The following C6orf62 variants were observed in gnomAD, a reference collection of about 807,000 sequenced individuals.
C6orf62 encodes the protein chromosome 6 open reading frame 62, also known as uncharacterized protein C6orf62.
In C6orf62, 16 loss-of-function variants were observed where a neutral mutation model predicts 26.8. The ratio of observed to expected loss-of-function variants is 0.60; its 90% CI spans 0.40 to 0.91. The LOEUF (loss-of-function observed/expected upper bound fraction) is 0.91, where lower values mean the gene tolerates loss of function less well. Among genes scored for constraint, C6orf62 ranks in the 40% least tolerant of loss-of-function variants. The pLI, the probability that C6orf62 is intolerant of heterozygous loss-of-function variation, is 0.00. For synonymous variants in C6orf62, 112 were observed against 91.5 expected (o/e 1.22, Z -1.28); for missense variants, 192 against 271.4 (o/e 0.71, Z 2.06).
In C6orf62 at chr6:24,718,573, G is replaced by T; in HGVS notation, c.96C>A (p.Phe32Leu). The change falls in exon 1 of 5, where the codon TTC (phenylalanine) becomes TTA (leucine). Residue 32 changes from phenylalanine to leucine, a missense_variant. By Grantham distance (22) the Phe-to-Leu change is conservative (BLOSUM62 0). Coordinates refer to ENST00000378119, the MANE Select transcript of C6orf62 (RefSeq NM_030939.5). ...KKESLADQFD[F>L]KMYIAFVFKE... ...TGAATACAAAGGCAATATACATCTT[G>T]AAGTCAAACTGGTCAGCTAGAGATT... is the stretch of plus-strand genomic sequence containing the variant. The T allele has an allele frequency of 6.2e-7, 1 of 1,613,320 alleles. No individual in the cohort carries two copies. The highest frequency in any genetic ancestry group is 8.5e-7 in the Non-Finnish European group (1 of 1,179,366).
intron 3 of C6orf62, among the ~76,000 whole-genome samples, chr6:24,713,392 C>T (rs1032281696): frequency 6.6e-6 from 1 of 152,078 alleles, no homozygotes; most frequent in Admixed American, 6.6e-5. Flanking sequence ...AGCAACATTA[C>T]CATGGGGCGG....
At chr6:24,714,951 T>C (rs536655418) in intron 2 of C6orf62, among the ~76,000 whole-genome samples, 1 of 152,274 alleles carries the variant, frequency 6.6e-6, no homozygotes, top group South Asian at 2.1e-4. Context: ...GAGAGTCACA[T>C]ACACTCAGTC....
chr6:24,715,090 A>G (rs1248122783), intron 2 of C6orf62, among the ~76,000 whole-genome samples: 2 of 152,244 alleles, frequency 1.3e-5, no homozygotes, highest in African/African-American at 4.8e-5. Flanking sequence ...CTATTTAAAA[A>G]GATGTCTTAG....
rs1065364 is a variant in C6orf62 at position 24,710,172 on chromosome 6, T to G, written c.430-1261A>C. 34 of 980,994 alleles carry G rather than the reference T, an allele frequency of 3.5e-5. No homozygotes were observed. In the African/African-American group the frequency reaches 4.9e-4, roughly 14 times the overall value. The allele number at this position is 980,994 out of a possible 1,614,324, so 60.8% of individuals were successfully genotyped here. ...GTTACTTCAGCCTTAAGGGGCTTATTATACTGCTGAAGAGGACAAGTACAG... is the reference window on the plus strand; with the variant it reads ...GTTACTTCAGCCTTAAGGGGCTTATGATACTGCTGAAGAGGACAAGTACAG... On this transcript the variant is annotated intron_variant, in intron 3 of 4. Coordinates refer to ENST00000378119, the MANE Select transcript of C6orf62 (RefSeq NM_030939.5).
At chr6:24,715,708 C>A (rs775042585) in intron 2 of C6orf62, among the ~76,000 whole-genome samples, 1 of 151,866 alleles carries the variant, frequency 6.6e-6, no homozygotes, top group Non-Finnish European at 1.5e-5. Context: ...ATTAGCCAGG[C>A]ATGGTGGCGC....
At chr6:24,710,522 C>T (rs1201659240) in intron 3 of C6orf62, 12 of 903,374 alleles carry the variant, frequency 1.3e-5, no homozygotes, top group Non-Finnish European at 2.6e-6. Context: ...GCTTAGCCTC[C>T]CAAAGTGTTG....
chr6:24,709,352 T>G, intron 3 of C6orf62: 1 of 985,372 alleles, frequency 1.0e-6, no homozygotes, highest in Non-Finnish European at 1.2e-6. Context: ...CATAGTACTT[T>G]AAGCCCCAAG....
At position 24,710,437 on chromosome 6, in the gene C6orf62, T is replaced by G. The variant is rs548327476; in HGVS notation, c.430-1526A>C. The G allele has an allele frequency of 1.1e-5, 4 of 380,426 alleles. No homozygotes were observed. In the South Asian group the frequency reaches 4.3e-4, roughly 41 times the overall value. The allele number at this position is 380,426 out of a possible 1,614,324, so 23.6% of individuals were successfully genotyped here. ...GCACCACCACGCCCAGCTAATTTTG[T>G]GTTTTTAGTAGAGATAGGACTTCTT... On this transcript the variant is annotated intron_variant, in intron 3 of 4. Coordinates refer to ENST00000378119, the MANE Select transcript of C6orf62 (RefSeq NM_030939.5).
chr6:24,717,481 T>C (rs1779256973), intron 1 of C6orf62, among the ~76,000 whole-genome samples: 1 of 152,220 alleles, frequency 6.6e-6, no homozygotes. Context: ...TGTTCTTAAA[T>C]ACAAATAACC....
At chr6:24,711,117 G>T (rs1034276647) in intron 3 of C6orf62, among the ~76,000 whole-genome samples, 4 of 152,112 alleles carry the variant, frequency 2.6e-5, no homozygotes, top group Non-Finnish European at 5.9e-5. Flanking sequence ...AACCAGGGTG[G>T]GTGCAAGAAC....
At chr6:24,706,559 T>C (rs1015074466) in intron 4 of C6orf62, among the ~76,000 whole-genome samples, 1 of 152,146 alleles carries the variant, frequency 6.6e-6, no homozygotes, top group Non-Finnish European at 1.5e-5. Context: ...CATTTTTATA[T>C]AGAGGAAGAT....
intron 3 of C6orf62, among the ~76,000 whole-genome samples, chr6:24,711,800 T>G (rs571573155): frequency 1.3e-5 from 2 of 152,178 alleles, no homozygotes; most frequent in Non-Finnish European, 2.9e-5. Context: ...ATTCACACAT[T>G]TTAAATTACT....
chr6:24,720,031 C>CA (rs1779323404), upstream of C6orf62: 6 of 1,490,732 alleles, frequency 4.0e-6, no homozygotes, highest in South Asian at 2.7e-5. Flanking sequence ...ACCCTCCCCC[C>CA]AAAAAATTAA....
intron 4 of C6orf62, 55 bp from the exon 5 acceptor site, chr6:24,706,317 T>A: frequency 6.3e-7 from 1 of 1,593,452 alleles, no homozygotes; most frequent in East Asian, 2.3e-5. Flanking sequence ...AGCGTAACTG[T>A]CACATGAAGT....
Position 24,705,947 on chromosome 6 carries a change from C to T in C6orf62, c.*190G>A, listed in dbSNP as rs552192482. 2.4e-4 allele frequency: 182 copies of T among 747,424 alleles called. 1 individual carries two copies. The South Asian group carries it at 3.7e-3, about 15-fold the overall frequency. The allele number at this position is 747,424 out of a possible 1,614,324, so 46.3% of individuals were successfully genotyped here. A position where few individuals can be genotyped will look rare whatever the true frequency, so the allele number is the denominator to read the frequency against. On this transcript the variant is annotated 3_prime_UTR_variant, in exon 5 of 5. Transcript: ENST00000378119. ...CTTCTTTCACACAGTCCGTGCACGA[C>T]ATCTAATTTTTGTTTAAGTTCTGAG...
chr6:24,713,506 A>G (rs929717662), intron 3 of C6orf62, among the ~76,000 whole-genome samples: 6 of 152,180 alleles, frequency 3.9e-5, no homozygotes, highest in African/African-American at 1.4e-4. Flanking sequence ...TAATCCTCAC[A>G]ATTAGCTTAA....
At chr6:24,709,031 A>T in intron 3 of C6orf62, 120 bp from the exon 4 acceptor site, 1 of 1,482,632 alleles carries the variant, frequency 6.7e-7, no homozygotes, top group East Asian at 2.4e-5. Flanking sequence ...TTTCCTCTTT[A>T]AAAAAACAAA....
At chr6:24,709,421 A>T (rs2127632838) in intron 3 of C6orf62, 1 of 984,928 alleles carries the variant, frequency 1.0e-6, no homozygotes, top group East Asian at 1.1e-4. Flanking sequence ...TAAGAAAAAA[A>T]AAAAATAAAT....
Position 24,714,348 on chromosome 6 carries a change from T to C in C6orf62, c.399A>G (p.Lys133=). 6.2e-7 allele frequency: 1 copy of C among 1,611,744 alleles called. No homozygotes were observed. The highest frequency in any genetic ancestry group is 8.5e-7 in the Non-Finnish European group (1 of 1,179,282). ...CAGGCCTAAAAGGCTCATCAGATTC[T>C]TTCCACCTAGAAAACAGGAGACAGA... ...KIVCLLFSRW[K]ESDEPFRPVQ... is the part of the protein sequence containing the mutation. Residue 133 remains lysine, a synonymous_variant, in exon 3 of 5, where the codon AAA becomes AAG. Coordinates refer to ENST00000378119, the MANE Select transcript of C6orf62 (RefSeq NM_030939.5).
Sources: gnomAD v4.1 joint callset for allele counts (sites outside exome capture counted in the v4.1 genomes callset) on GRCh38, gnomAD v4.1.1 for gene constraint, MANE v1.5 for transcripts, NCBI Gene and HGNC (gene_info 2026-07-23, HGNC 2026-07-21) for gene names.